ARHGEF28: variants seen among roughly 807,000 people sequenced by gnomAD.
The protein encoded by ARHGEF28 is Rho guanine nucleotide exchange factor 28, also known as 190 kDa guanine nucleotide exchange factor.
Under a neutral mutation model 206.6 loss-of-function variants are expected in ARHGEF28, and 152 were observed. That is an observed-to-expected ratio of 0.74 (90% CI 0.64 to 0.84). The LOEUF is 0.84. Among genes scored for constraint, ARHGEF28 ranks in the 40% least tolerant of loss-of-function variants. ARHGEF28 has a pLI of 0.00. For missense variants in ARHGEF28, 2,028 were observed against 2,073.2 expected, an observed-to-expected ratio of 0.98 and a Z score of 0.42; for synonymous variants, 763 against 776.4, an observed-to-expected ratio of 0.98 and a Z score of 0.29.
In ARHGEF28 at chr5:73,846,171, C is replaced by T. The variant is rs180798362; in HGVS notation, c.1428-97C>T. On this transcript the variant is annotated intron_variant, in intron 11 of 35. Transcript: ENST00000513042. ...AAATGAATACCTATTGCACCCCCCC[C>T]GCCCCAGTGAAAGAATCTGGATTCA... The T allele has an allele frequency of 1.4e-4, 162 of 1,133,542 alleles. No homozygotes were observed. In the East Asian group the frequency reaches 2.6e-3, roughly 18 times the overall value. 70.2% of individuals were successfully genotyped at this position (1,133,542 alleles called of 1,614,324 possible).
At chr5:73,811,146 C>T (rs563029943) in intron 9 of ARHGEF28, among the ~76,000 whole-genome samples, 3 of 152,288 alleles carry the variant, frequency 2.0e-5, no homozygotes, top group African/African-American at 7.2e-5. Flanking sequence ...ATCTCCTGAT[C>T]CAACACTATT....
chr5:73,775,393 A>C (rs992196465), intron 5 of ARHGEF28, among the ~76,000 whole-genome samples: 1 of 152,206 alleles, frequency 6.6e-6, no homozygotes, highest in African/African-American at 2.4e-5. Flanking sequence ...TCAGGTTCAG[A>C]GACCATTCAT....
At chr5:73,881,056 A>G (rs139479965) in intron 22 of ARHGEF28, among the ~76,000 whole-genome samples, 4,464 of 147,030 alleles carry the variant, frequency 0.03, 85 homozygotes, top group South Asian at 0.055. Flanking sequence ...TTTTTTGTCT[A>G]TGGCTGTCCA....
intron 2 of ARHGEF28, among the ~76,000 whole-genome samples, chr5:73,743,351 G>A (rs1191048912): frequency 6.6e-6 from 1 of 151,936 alleles, no homozygotes; most frequent in Admixed American, 6.6e-5. Flanking sequence ...TTACATTTAT[G>A]TCCTCATTGT....
At chr5:73,939,994 T>C (rs1463059533) in intron 35 of ARHGEF28, among the ~76,000 whole-genome samples, 1 of 152,196 alleles carries the variant, frequency 6.6e-6, no homozygotes, top group Non-Finnish European at 1.5e-5. Flanking sequence ...TTGCCCTCCT[T>C]TCCCACCTGG....
chr5:73,813,501 A>G (rs1755972143), intron 9 of ARHGEF28: 24 of 1,518,930 alleles, frequency 1.6e-5, no homozygotes, highest in Non-Finnish European at 2.1e-5. Flanking sequence ...TTTACATCAC[A>G]TGGGGAGGCT....
chr5:73,757,307 G>A (rs1350718059), intron 4 of ARHGEF28, among the ~76,000 whole-genome samples: 1 of 152,124 alleles, frequency 6.6e-6, no homozygotes, highest in Admixed American at 6.5e-5. Flanking sequence ...TTTTCTTCCA[G>A]TACTTGTCCA....
At chr5:73,750,089 T>A in intron 3 of ARHGEF28, 105 bp downstream of exon 3, 1 of 1,404,964 alleles carries the variant, frequency 7.1e-7, no homozygotes, top group Non-Finnish European at 9.7e-7. Flanking sequence ...AAAACAGTGC[T>A]GCAAGGTCAG....
intron 7 of ARHGEF28, among the ~76,000 whole-genome samples, chr5:73,792,221 A>G (rs1754522468): frequency 1.3e-5 from 2 of 152,192 alleles, no homozygotes; most frequent in South Asian, 2.1e-4. Context: ...TAATGAAGAC[A>G]TATATTTTAA....
chr5:73,900,633 G>T (rs1221601048), intron 30 of ARHGEF28: 2 of 152,254 alleles, frequency 1.3e-5, no homozygotes, highest in Non-Finnish European at 2.9e-5. Flanking sequence ...ACAGGTTCTT[G>T]GTTTGTATGA....
intron 2 of ARHGEF28, among the ~76,000 whole-genome samples, chr5:73,733,727 C>T (rs770276304): frequency 3.9e-5 from 6 of 152,064 alleles, no homozygotes; most frequent in Non-Finnish European, 5.9e-5. Flanking sequence ...CAAGAAAAAT[C>T]AGATTTTTCT....
intron 2 of ARHGEF28, among the ~76,000 whole-genome samples, chr5:73,737,808 T>C (rs894478987): frequency 6.6e-6 from 1 of 152,140 alleles, no homozygotes; most frequent in Non-Finnish European, 1.5e-5. Flanking sequence ...TGAGCCACCA[T>C]GCCCAGCCCC....
At chr5:73,753,926 C>A (rs1046712352) in intron 4 of ARHGEF28, among the ~76,000 whole-genome samples, 5 of 152,190 alleles carry the variant, frequency 3.3e-5, no homozygotes, top group African/African-American at 1.2e-4. Flanking sequence ...GCCTCAGTCT[C>A]CCAAAGTGCT....
intron 1 of ARHGEF28, among the ~76,000 whole-genome samples, chr5:73,660,996 T>C (rs1745562793): frequency 6.6e-6 from 1 of 152,244 alleles, no homozygotes; most frequent in African/African-American, 2.4e-5. Context: ...AGAGTCAGCC[T>C]GTCCTTTGAA....
intron 16 of ARHGEF28, among the ~76,000 whole-genome samples, chr5:73,861,458 A>C (rs1473384274): frequency 6.6e-6 from 1 of 152,188 alleles, no homozygotes; most frequent in African/African-American, 2.4e-5. Flanking sequence ...AAACTATGGG[A>C]GCCTTGCTCT....
chr5:73,691,063 G>C (rs1580487266), intron 2 of ARHGEF28, among the ~76,000 whole-genome samples: 1 of 152,054 alleles, frequency 6.6e-6, no homozygotes, highest in Non-Finnish European at 1.5e-5. Flanking sequence ...CAGAGTAGCT[G>C]GGACTAGAGG....
intron 4 of ARHGEF28, among the ~76,000 whole-genome samples, chr5:73,762,282 C>T (rs979379847): frequency 7.3e-5 from 11 of 151,664 alleles, no homozygotes; most frequent in Non-Finnish European, 1.2e-4. Context: ...ATGGTGAAAC[C>T]GTGTCTTTAC....
intron 5 of ARHGEF28, among the ~76,000 whole-genome samples, 156 bp downstream of exon 5, chr5:73,774,194 G>T (rs921824779): frequency 2.6e-5 from 4 of 152,106 alleles, no homozygotes; most frequent in African/African-American, 9.7e-5. Flanking sequence ...GATATACTGG[G>T]ATAATTGGTA....
chr5:73,701,071 T>G (rs1445946668), intron 2 of ARHGEF28, among the ~76,000 whole-genome samples: 3 of 152,198 alleles, frequency 2.0e-5, no homozygotes, highest in Non-Finnish European at 4.4e-5. Context: ...AATAAAGGTA[T>G]TTTAGAAAAG....
Sources: allele counts gnomAD v4.1 joint callset (sites outside exome capture counted in the v4.1 genomes callset), GRCh38; gene constraint gnomAD v4.1.1; transcripts MANE v1.5; gene names NCBI Gene and HGNC (gene_info 2026-07-23, HGNC 2026-07-21).